KCNQ2: variants seen among roughly 807,000 people sequenced by gnomAD.
KCNQ2 encodes the protein potassium voltage-gated channel subfamily Q member 2.
In KCNQ2, 14 loss-of-function variants were observed where a neutral mutation model predicts 84.8. That is an observed-to-expected ratio of 0.17 (90% CI 0.11 to 0.26). The LOEUF is 0.26. KCNQ2 is among the 10% of genes least tolerant of loss of function. The probability of loss-of-function intolerance (pLI) is 1.00; values close to 1 mark genes in which losing one functional copy is unlikely to be tolerated. For synonymous variants in KCNQ2, 599 were observed against 554.1 expected, an observed-to-expected ratio of 1.08 and a Z score of -1.14; for missense variants, 788 against 1,254.0, an observed-to-expected ratio of 0.63 and a Z score of 5.61.
chr20:63,447,182 C>T (rs1246823168), intron 1 of KCNQ2, among the ~76,000 whole-genome samples: 1 of 152,116 alleles, frequency 6.6e-6, no homozygotes, highest in Admixed American at 6.5e-5. Context: ...CTCCAAAACT[C>T]TCAGTCAAAT....
Position 63,419,683 on chromosome 20 carries a change from G to A in KCNQ2, c.1248-11C>T. 1 of 1,608,436 alleles carries A rather than the reference G, an allele frequency of 6.2e-7. No individual in the cohort carries two copies. The highest frequency in any genetic ancestry group is 1.1e-5 in the South Asian group (1 of 89,640). ...CACGGGCTGCCTTTACTGGAAATGAGGAGAGCACAGTTAGTCCTGGGCGCC... is the reference window on the plus strand; with the variant it reads ...CACGGGCTGCCTTTACTGGAAATGAAGAGAGCACAGTTAGTCCTGGGCGCC... On this transcript the variant is annotated splice_polypyrimidine_tract_variant and intron_variant, in intron 11 of 16. Coordinates refer to ENST00000359125, the MANE Select transcript of KCNQ2 (RefSeq NM_172107.4).
In KCNQ2 at chr20:63,407,723, T is replaced by G. The variant is rs1459823718; in HGVS notation, c.1888-348A>C. ...CAGGAAGTCGGTCGACTTGGGCTGGTCCCAGGAGGTGGGGGGACCTGGGTT... is the reference window on the plus strand; with the variant it reads ...CAGGAAGTCGGTCGACTTGGGCTGGGCCCAGGAGGTGGGGGGACCTGGGTT... On this transcript the variant is annotated intron_variant, in intron 16 of 16. Transcript: ENST00000359125. This position sits in a 1 kb window ranked among gnomAD's most constrained non-coding sequence, Gnocchi z 7.2. Among the ~76,000 whole-genome samples, 1 of 134,496 alleles carries G rather than the reference T, an allele frequency of 7.4e-6. No homozygotes were observed. Among genetic ancestry groups the G allele is most frequent in the Non-Finnish European group, 1.6e-5 (1 of 62,664 alleles). 88.2% of individuals were successfully genotyped at this position (134,496 alleles called of 152,430 possible).
Position 63,438,481 on chromosome 20 carries a change from C to T in KCNQ2, c.1023+144G>A. ...TCAACACACACACTTCACATCCTCG[C>T]TCCTTCCACAGATTCCTGCAGAGGG... is the stretch of plus-strand genomic sequence containing the variant. On this transcript the variant is annotated intron_variant, in intron 7 of 16. Coordinates refer to ENST00000359125, the MANE Select transcript of KCNQ2 (RefSeq NM_172107.4). This position sits in a 1 kb window ranked among gnomAD's most constrained non-coding sequence, Gnocchi z 5.1. The T allele has an allele frequency of 2.7e-6, 2 of 749,034 alleles. No individual in the cohort carries two copies. Among genetic ancestry groups the T allele is most frequent in the Non-Finnish European group, 2.4e-6 (1 of 423,726 alleles). 46.4% of individuals were successfully genotyped at this position (749,034 alleles called of 1,614,324 possible). A position where few individuals can be genotyped will look rare whatever the true frequency, so the allele number is the denominator to read the frequency against.
intron 1 of KCNQ2, among the ~76,000 whole-genome samples, chr20:63,457,907 C>T (rs964158769): frequency 6.6e-6 from 1 of 152,186 alleles, no homozygotes; most frequent in African/African-American, 2.4e-5. Context: ...CCGGGCACTG[C>T]CTCGTGACTT....
chr20:63,406,789 G>A lies in KCNQ2; in HGVS notation c.2474C>T (p.Ala825Val). The A allele has an allele frequency of 2.5e-6, 4 of 1,612,558 alleles. No homozygotes were observed. The highest frequency in any genetic ancestry group is 1.1e-5 in the South Asian group (1 of 91,054). ...DALNSCYAAV[A>V]PCAKVRPYIA... Reference sequence around the variant, plus strand: ...GTAGGGCCTGACTTTGGCACAAGGCGCCACGGCCGCGTAGCAGCTGTTGAG... The same window carrying A: ...GTAGGGCCTGACTTTGGCACAAGGCACCACGGCCGCGTAGCAGCTGTTGAG... Residue 825 changes from alanine (A) to valine (V), a missense_variant, in exon 17 of 17, where the codon GCG (alanine) becomes GTG (valine). Ala to Val is a moderately conservative substitution (Grantham distance 64). Around this residue, in one of 8 missense-constraint regions of KCNQ2, gnomAD observed 378 missense variants for 434.5 expected, o/e 0.87. Coordinates refer to ENST00000359125, the MANE Select transcript of KCNQ2 (RefSeq NM_172107.4).
In KCNQ2 at chr20:63,408,254, G is replaced by GGT. The variant is rs1208954604; in HGVS notation, c.1887+157_1887+158dup. 1 of 928,942 alleles carries GGT rather than the reference G, an allele frequency of 1.1e-6. No homozygotes were observed. The highest frequency in any genetic ancestry group is 1.6e-6 in the Non-Finnish European group (1 of 615,140). 57.5% of individuals were successfully genotyped at this position (928,942 alleles called of 1,614,324 possible). A position where few individuals can be genotyped will look rare whatever the true frequency, so the allele number is the denominator to read the frequency against. Reference sequence around the variant, plus strand: ...GGGAGGCTCACGGTGGGGTGTGAGGGGTCTGCACAGAGCAGCTGTCAGTGG... The same window carrying GGT: ...GGGAGGCTCACGGTGGGGTGTGAGGGGTGTCTGCACAGAGCAGCTGTCAGTGG... On this transcript the variant is annotated intron_variant, in intron 16 of 16. Coordinates refer to ENST00000359125, the MANE Select transcript of KCNQ2 (RefSeq NM_172107.4). The surrounding 1 kb of genome is among the most constrained non-coding windows in gnomAD (Gnocchi z 5.0).
chr20:63,400,606 A>C lies in KCNQ2; in HGVS notation c.*6038T>G, dbSNP rs1273939065. 1.0e-5 allele frequency: 4 copies of C among 398,540 alleles called. No homozygotes were observed. Among genetic ancestry groups the C allele is most frequent in the Non-Finnish European group, 1.8e-5 (4 of 226,056 alleles). 24.7% of individuals were successfully genotyped at this position (398,540 alleles called of 1,614,324 possible). On this transcript the variant is annotated 3_prime_UTR_variant, in exon 17 of 17. Coordinates refer to ENST00000359125, the MANE Select transcript of KCNQ2 (RefSeq NM_172107.4). This position sits in a 1 kb window ranked among gnomAD's most constrained non-coding sequence, Gnocchi z 8.7. ...GGCATTATGAAATGTTCTTTGGAGC[A>C]TGAACAAAAGTGCAGACAGCCAGAG...
chr20:63,431,406 C>T (rs772541203), intron 8 of KCNQ2, 37 bp from the exon 9 acceptor site: 29 of 1,611,036 alleles, frequency 1.8e-5, no homozygotes, highest in Admixed American at 5.0e-5. Flanking sequence ...GGGAAAAGAA[C>T]GGAAAATTTC....
intron 1 of KCNQ2, among the ~76,000 whole-genome samples, chr20:63,468,698 C>G (rs1330747179): frequency 2.0e-5 from 3 of 152,252 alleles, no homozygotes; most frequent in Non-Finnish European, 4.4e-5. Context: ...CAGCTGAGGC[C>G]TGGCGCAAAA....
chr20:63,415,186 G>A, intron 12 of KCNQ2, 60 bp from the exon 13 acceptor site: 1 of 1,451,886 alleles, frequency 6.9e-7, no homozygotes. Flanking sequence ...ACTCTGCAAA[G>A]AACACAGGCC....
intron 15 of KCNQ2, among the ~76,000 whole-genome samples, chr20:63,409,273 G>A (rs578141347): frequency 9.2e-5 from 14 of 152,354 alleles, no homozygotes; most frequent in Non-Finnish European, 1.5e-4. Context: ...GTGTGCACGC[G>A]TGTGCATGTG....
chr20:63,421,214 C>T (rs375543476), intron 11 of KCNQ2, among the ~76,000 whole-genome samples: 31 of 152,352 alleles, frequency 2.0e-4, no homozygotes, highest in African/African-American at 5.0e-4. Context: ...CCGGCCCTGC[C>T]GCCCGATTCT....
chr20:63,464,921 A>G (rs1022136264), intron 1 of KCNQ2, among the ~76,000 whole-genome samples: 2 of 152,210 alleles, frequency 1.3e-5, no homozygotes, highest in African/African-American at 2.4e-5. Flanking sequence ...AGATGCCCAC[A>G]TCCCCAGAAC....
In KCNQ2 at chr20:63,402,954, G is replaced by A. The variant is rs1186914737; in HGVS notation, c.*3690C>T. 1 of 152,288 alleles carries A rather than the reference G, an allele frequency of 6.6e-6. No homozygotes were observed. The highest frequency in any genetic ancestry group is 6.5e-5 in the Admixed American group (1 of 15,288). 9.4% of individuals were successfully genotyped at this position (152,288 alleles called of 1,614,324 possible). The stretch of plus-strand genomic sequence containing the variant: ...CGGACTGTGATTTTATGCAGAGGGA[G>A]AAGGAGAAGCTGGGCCAGGAAACCA... On this transcript the variant is annotated 3_prime_UTR_variant, in exon 17 of 17. Transcript: ENST00000359125.
intron 1 of KCNQ2, among the ~76,000 whole-genome samples, chr20:63,450,174 C>T (rs1180623999): frequency 3.3e-5 from 5 of 151,460 alleles, no homozygotes; most frequent in African/African-American, 1.2e-4. Context: ...CACTCCTCCC[C>T]CACCCCTCCC....
At chr20:63,436,294 G>A (rs1366318428) in intron 7 of KCNQ2, among the ~76,000 whole-genome samples, 2 of 151,690 alleles carry the variant, frequency 1.3e-5, no homozygotes, top group Non-Finnish European at 1.5e-5. Context: ...CACTTTGGGA[G>A]GCCAAGGCGG....
chr20:63,410,828 C>A (rs1049545609), intron 15 of KCNQ2, among the ~76,000 whole-genome samples: 2 of 152,172 alleles, frequency 1.3e-5, no homozygotes, highest in Admixed American at 6.5e-5. Flanking sequence ...ATTGGCTGTA[C>A]CCAGAAACTG....
At chr20:63,444,596 G>A (rs572994700) in intron 4 of KCNQ2, 63 bp downstream of exon 4, 40 of 1,377,654 alleles carry the variant, frequency 2.9e-5, no homozygotes, top group Admixed American at 8.1e-5. Context: ...GGTGGGGCCC[G>A]GTCTGGGCCA....
chr20:63,464,208 G>C (rs1406596082), intron 1 of KCNQ2, among the ~76,000 whole-genome samples: 1 of 152,080 alleles, frequency 6.6e-6, no homozygotes, highest in Non-Finnish European at 1.5e-5. Flanking sequence ...AGCATCCCCT[G>C]TCTGGGGCCA....
Sources: gnomAD v4.1 joint callset for allele counts (sites outside exome capture counted in the v4.1 genomes callset) on GRCh38, gnomAD v4.1.1 for gene constraint, gnomAD v4.1.1 regional missense constraint, Gnocchi (gnomAD v3.1) non-coding constraint, MANE v1.5 for transcripts, NCBI Gene and HGNC (gene_info 2026-07-23, HGNC 2026-07-21) for gene names.